Variants in MYO10 observed in about 807,000 individuals in gnomAD.
MYO10 encodes the protein unconventional myosin-X.
Under a neutral mutation model 257.3 loss-of-function variants are expected in MYO10, and 133 were observed. That is an observed-to-expected ratio of 0.52 (90% CI 0.45 to 0.60). The LOEUF is 0.60. Ranked by LOEUF, MYO10 falls within the 20% of genes least tolerant of loss-of-function variation. The pLI is 0.00. For synonymous variants in MYO10, 1,104 were observed against 1,028.6 expected, an observed-to-expected ratio of 1.07 and a Z score of -1.40; for missense variants, 2,399 against 2,635.7, an observed-to-expected ratio of 0.91 and a Z score of 1.97.
rs892960939 is a variant in MYO10 at position 16,874,207 on chromosome 5, G to A, written c.120+3402C>T. Among the ~76,000 whole-genome samples, 12 of 151,880 alleles carry A rather than the reference G, an allele frequency of 7.9e-5. No individual in the cohort carries two copies. The East Asian group carries it at 1.6e-3, about 20-fold the overall frequency. ...AAATTAGCTGGGCATGGTGGCAGGC[G>A]CCTGTAGTCCCAGCTACTCAGGAGG... On this transcript the variant is annotated intron_variant, in intron 2 of 40. Coordinates refer to ENST00000513610, the MANE Select transcript of MYO10 (RefSeq NM_012334.3).
intron 2 of MYO10, 55 bp downstream of exon 2, chr5:16,877,554 G>C (rs1008727038): frequency 7.0e-7 from 1 of 1,424,094 alleles, no homozygotes. Context: ...CCCTGGGCAC[G>C]AATAGCTACA....
intron 1 of MYO10, among the ~76,000 whole-genome samples, chr5:16,882,836 G>GA (rs2126766454): frequency 6.6e-6 from 1 of 151,824 alleles, no homozygotes; most frequent in African/African-American, 2.4e-5. Context: ...TACATGTGCT[G>GA]AAAATCATTC....
At position 16,842,022 on chromosome 5, in the gene MYO10, G is replaced by A. The variant is rs544636247; in HGVS notation, c.121-23855C>T. On this transcript the variant is annotated intron_variant, in intron 2 of 40. Transcript: ENST00000513610. ...TGACTTTGGGGTGGGGGGGCTTGGT[G>A]GGGGTGGGGGCAGTTCCACATAATA... 1.3e-4 allele frequency among the ~76,000 whole-genome samples: 19 copies of A among 151,160 alleles called. No individual in the cohort carries two copies. In the South Asian group the frequency reaches 2.9e-3, roughly 23 times the overall value.
At chr5:16,930,810 C>T (rs1001339356) in intron 1 of MYO10, among the ~76,000 whole-genome samples, 3 of 152,186 alleles carry the variant, frequency 2.0e-5, no homozygotes, top group African/African-American at 7.2e-5. Flanking sequence ...CCAAGCGCTA[C>T]TGCTAAGATA....
chr5:16,793,487 C>G (rs1029432973), intron 4 of MYO10, among the ~76,000 whole-genome samples: 1 of 152,044 alleles, frequency 6.6e-6, no homozygotes, highest in Non-Finnish European at 1.5e-5. Context: ...CCGCGCCTGG[C>G]TGATTTTGCA....
intron 9 of MYO10, 75 bp downstream of exon 9, chr5:16,779,470 A>C: frequency 1.1e-6 from 1 of 878,516 alleles, no homozygotes; most frequent in Non-Finnish European, 1.7e-6. Flanking sequence ...AATCTTTTGA[A>C]ACCGAAAATG....
intron 19 of MYO10, among the ~76,000 whole-genome samples, chr5:16,720,426 T>A (rs1739106341): frequency 6.6e-6 from 1 of 151,962 alleles, no homozygotes; most frequent in African/African-American, 2.4e-5. Context: ...CACTATTTTA[T>A]TTTTATTTTA....
chr5:16,917,033 T>C (rs1382241722), intron 1 of MYO10, among the ~76,000 whole-genome samples: 1 of 152,156 alleles, frequency 6.6e-6, no homozygotes, highest in Non-Finnish European at 1.5e-5. Context: ...AAACTCAAAG[T>C]TGAGAAGGCC....
At chr5:16,863,574 T>G (rs549173271) in intron 2 of MYO10, among the ~76,000 whole-genome samples, 12 of 152,300 alleles carry the variant, frequency 7.9e-5, no homozygotes, top group African/African-American at 2.9e-4. Context: ...TGTAAATGGT[T>G]TCAATATGAC....
chr5:16,791,712 T>A (rs1357247109), intron 4 of MYO10, among the ~76,000 whole-genome samples: 1 of 152,200 alleles, frequency 6.6e-6, no homozygotes, highest in Non-Finnish European at 1.5e-5. Context: ...AGGATCTAAG[T>A]GTGGACACCA....
At position 16,666,718 on chromosome 5, in the gene MYO10, C is replaced by A; in HGVS notation, c.6151G>T (p.Ala2051Ser). The change falls in exon 41 of 41, where the codon GCC becomes TCC. Residue 2051 changes from alanine to serine, a missense_variant. Ala to Ser is a moderately conservative substitution (Grantham distance 99). Transcript: ENST00000513610. ...VKKRYSTTRS[A>S]SSQGSSR The stretch of plus-strand genomic sequence containing the variant: ...CACCTGGAGCTGCCCTGGCTGCTGG[C>A]GGAGCGTGTCGTGCTGTAGCGCTTC... The A allele has an allele frequency of 6.2e-7, 1 of 1,605,418 alleles. No individual in the cohort carries two copies. Among genetic ancestry groups the A allele is most frequent in the Non-Finnish European group, 8.5e-7 (1 of 1,177,494 alleles).
chr5:16,703,347 TAAC>T (rs1383581590), intron 22 of MYO10, among the ~76,000 whole-genome samples, 189 bp from the exon 23 acceptor site: 1 of 152,030 alleles, frequency 6.6e-6, no homozygotes, highest in Non-Finnish European at 1.5e-5. Flanking sequence ...AAAGAAATAA[TAAC>T]AAACAAAACT....
At chr5:16,690,266 G>A (rs1015039976) in intron 27 of MYO10, among the ~76,000 whole-genome samples, 1 of 152,214 alleles carries the variant, frequency 6.6e-6, no homozygotes, top group Non-Finnish European at 1.5e-5. Flanking sequence ...TAGGTTACAT[G>A]CAATGACTAC....
chr5:16,743,125 C>T (rs1740072048), intron 19 of MYO10, among the ~76,000 whole-genome samples: 1 of 151,932 alleles, frequency 6.6e-6, no homozygotes, highest in Non-Finnish European at 1.5e-5. Flanking sequence ...CACCACAAAA[C>T]AAAACACCAG....
At chr5:16,673,330 A>G (rs1438586740) in intron 36 of MYO10, among the ~76,000 whole-genome samples, 1 of 147,690 alleles carries the variant, frequency 6.8e-6, no homozygotes, top group African/African-American at 2.7e-5. Context: ...ATATTCATCT[A>G]GCTAGTCACG....
At chr5:16,862,525 G>A (rs914162387) in intron 2 of MYO10, among the ~76,000 whole-genome samples, 1 of 151,986 alleles carries the variant, frequency 6.6e-6, no homozygotes, top group African/African-American at 2.4e-5. Context: ...TCCCAAACAA[G>A]GCCTTCGCAT....
intron 30 of MYO10, 106 bp from the exon 31 acceptor site, chr5:16,682,119 G>C: frequency 7.6e-7 from 1 of 1,313,010 alleles, no homozygotes; most frequent in Middle Eastern, 2.0e-4. Context: ...TGGGTCACGG[G>C]ATATACACTG....
chr5:16,764,229 C>A, intron 12 of MYO10, 21 bp downstream of exon 12: 1 of 1,612,900 alleles, frequency 6.2e-7, no homozygotes, highest in East Asian at 2.2e-5. Flanking sequence ...AATTCACGTG[C>A]TGCACTGTTA....
chr5:16,835,849 T>C (rs1554001289), intron 2 of MYO10, among the ~76,000 whole-genome samples: 1 of 151,770 alleles, frequency 6.6e-6, no homozygotes, highest in Non-Finnish European at 1.5e-5. Context: ...AAAACATTAA[T>C]ATCATGCTCT....
Sources: allele counts gnomAD v4.1 joint callset (sites outside exome capture counted in the v4.1 genomes callset), GRCh38; gene constraint gnomAD v4.1.1; transcripts MANE v1.5; gene names NCBI Gene and HGNC (gene_info 2026-07-23, HGNC 2026-07-21).